SPEN: variants seen among roughly 807,000 people sequenced by gnomAD.
The protein encoded by SPEN is spen family transcriptional repressor.
Under a neutral mutation model 269.9 loss-of-function variants are expected in SPEN, and 18 were observed. That is an observed-to-expected ratio of 0.07 (90% CI 0.05 to 0.10). The LOEUF is 0.10. Ranked by LOEUF, SPEN falls within the 10% of genes least tolerant of loss-of-function variation. SPEN has a pLI of 1.00. For missense variants in SPEN, 3,822 were observed against 4,631.2 expected (o/e 0.83, Z 5.07); for synonymous variants, 1,726 against 1,765.7 (o/e 0.98, Z 0.56).
chr1:15,904,633 A>G (rs2070937968), intron 3 of SPEN, among the ~76,000 whole-genome samples: 1 of 149,420 alleles, frequency 6.7e-6, no homozygotes, highest in South Asian at 2.1e-4. Flanking sequence ...GGATTCACCC[A>G]AAAAGAGTGT....
chr1:15,874,465 C>T (rs1475854868), intron 2 of SPEN: 1 of 1,184,540 alleles, frequency 8.4e-7, no homozygotes, highest in Non-Finnish European at 1.1e-6. Context: ...TTTTTCCCCA[C>T]TAACTCTAGA....
chr1:15,937,517 A>G lies in SPEN; in HGVS notation c.10381A>G (p.Thr3461Ala). The G allele has an allele frequency of 5.0e-6, 8 of 1,613,990 alleles. No homozygotes were observed. The highest frequency in any genetic ancestry group is 6.8e-6 in the Non-Finnish European group (8 of 1,180,012). The change falls in exon 12 of 15, where the codon ACA becomes GCA. Residue 3461 changes from threonine (T) to alanine (A), a missense_variant. Physicochemically the swap from Thr to Ala is moderately conservative, Grantham distance 58 (BLOSUM62 0). This residue lies in a region of SPEN where 359 missense variants were observed against 377.3 expected (regional missense o/e 0.95). Coordinates refer to ENST00000375759, the MANE Select transcript of SPEN (RefSeq NM_015001.3). This position sits in a 1 kb window ranked among gnomAD's most constrained non-coding sequence, Gnocchi z 5.7. ...TAPKQPLFVPTTSGPSTPPGL... is the reference protein window; with the variant it reads ...TAPKQPLFVPATSGPSTPPGL... ...CCCAAAACAGCCGTTGTTTGTCCCA[A>G]CAACCTCTGGCCCCAGCACCCCACC...
At chr1:15,925,867 A>G (rs2071161205) in intron 10 of SPEN, among the ~76,000 whole-genome samples, 1 of 152,190 alleles carries the variant, frequency 6.6e-6, no homozygotes, top group Non-Finnish European at 1.5e-5. Context: ...AAGGTATATA[A>G]TGTGTTCACC....
Position 15,939,402 on chromosome 1 carries a change from T to C in SPEN, c.10970T>C (p.Leu3657Pro). ...LASISNISPHLMIVIASV is the reference protein window; with the variant it reads ...LASISNISPHPMIVIASV The stretch of plus-strand genomic sequence containing the variant: ...AGCATCTCCAACATCTCTCCCCACC[T>C]CATGATTGTCATTGCCTCCGTGTGA... Residue 3657 changes from leucine to proline, a missense_variant, in exon 15 of 15, where the codon CTC (leucine) becomes CCC (proline). Around this residue, in one of 16 missense-constraint regions of SPEN, gnomAD observed 103 missense variants for 215.8 expected, o/e 0.48. Transcript: ENST00000375759. This position sits in a 1 kb window ranked among gnomAD's most constrained non-coding sequence, Gnocchi z 4.1. 6.2e-7 allele frequency: 1 copy of C among 1,602,296 alleles called. No individual in the cohort carries two copies. Among genetic ancestry groups the C allele is most frequent in the Non-Finnish European group, 8.5e-7 (1 of 1,174,414 alleles).
At chr1:15,873,846 T>C in intron 2 of SPEN, 9 of 1,064,924 alleles carry the variant, frequency 8.5e-6, no homozygotes, top group Non-Finnish European at 1.0e-5. Flanking sequence ...CTGGGATATA[T>C]GGGATGTCTT....
Position 15,939,452 on chromosome 1 carries a change from T to C in SPEN, c.*25T>C. 1 of 1,557,258 alleles carries C rather than the reference T, an allele frequency of 6.4e-7. No individual in the cohort carries two copies. Among genetic ancestry groups the C allele is most frequent in the Non-Finnish European group, 8.7e-7 (1 of 1,150,694 alleles). On this transcript the variant is annotated 3_prime_UTR_variant, in exon 15 of 15. Transcript: ENST00000375759. The surrounding 1 kb of genome is among the most constrained non-coding windows in gnomAD (Gnocchi z 4.1). ...AGCCACTGAGTGGTTATCACCTCAG[T>C]GAATCTTCCCAGGGCTCTGCAGTAA... is the stretch of plus-strand genomic sequence containing the variant.
chr1:15,908,126 A>T (rs891100579), intron 3 of SPEN, among the ~76,000 whole-genome samples: 2 of 152,172 alleles, frequency 1.3e-5, no homozygotes, highest in African/African-American at 4.8e-5. Context: ...CTGGAAAATT[A>T]TTTTGGGTAT....
rs2071232673 is a variant in SPEN at position 15,932,553 on chromosome 1, G to A, written c.6313G>A (p.Ala2105Thr). Residue 2105 changes from alanine (A) to threonine (T), a missense_variant, in exon 11 of 15, where the codon GCT (alanine) becomes ACT (threonine). Ala to Thr is a moderately conservative substitution (Grantham distance 58). Coordinates refer to ENST00000375759, the MANE Select transcript of SPEN (RefSeq NM_015001.3). The surrounding 1 kb of genome is among the most constrained non-coding windows in gnomAD (Gnocchi z 4.2). ...GGATGCTGCTGTCAGTCCCAGGGGG[G>A]CTGCAGCACAGGCAGGGGAGAGGGA... ...NVDAAVSPRG[A>T]AAQAGERESG... 4 of 1,599,386 alleles carry A rather than the reference G, an allele frequency of 2.5e-6. No individual in the cohort carries two copies. The highest frequency in any genetic ancestry group is 2.6e-6 in the Non-Finnish European group (3 of 1,171,180).
rs1367186005 is a variant in SPEN at position 15,929,176 on chromosome 1, A to T, written c.2936A>T (p.Glu979Val). ...PADGVSAVDL[E>V]KLEARKRRFA... is the part of the protein sequence containing the mutation. Reference sequence around the variant, plus strand: ...GATGGGGTAAGTGCTGTGGATCTGGAGAAGCTGGAAGCCAGGAAAAGGCGC... The same window carrying T: ...GATGGGGTAAGTGCTGTGGATCTGGTGAAGCTGGAAGCCAGGAAAAGGCGC... Residue 979 changes from glutamate to valine, a missense_variant, in exon 11 of 15, where the codon GAG becomes GTG. Coordinates refer to ENST00000375759, the MANE Select transcript of SPEN (RefSeq NM_015001.3). The surrounding 1 kb of genome is among the most constrained non-coding windows in gnomAD (Gnocchi z 5.8). 1.2e-6 allele frequency: 2 copies of T among 1,614,204 alleles called. No homozygotes were observed. The highest frequency in any genetic ancestry group is 2.2e-5 in the South Asian group (2 of 91,090).
At position 15,929,141 on chromosome 1, in the gene SPEN, G is replaced by C. The variant is rs778565072; in HGVS notation, c.2901G>C (p.Glu967Asp). The C allele has an allele frequency of 7.4e-6, 12 of 1,614,228 alleles. No individual in the cohort carries two copies. Among genetic ancestry groups the C allele is most frequent in the Non-Finnish European group, 1.0e-5 (12 of 1,180,032 alleles). ...AAGCCAGGAAGCACCTCAAGCCTGA[G>C]CAGCCTGCAGATGGGGTAAGTGCTG... ...RLKARKHLKP[E>D]QPADGVSAVD... Residue 967 changes from glutamate to aspartate, a missense_variant, in exon 11 of 15, where the codon GAG (glutamate) becomes GAC (aspartate). Transcript: ENST00000375759. This position sits in a 1 kb window ranked among gnomAD's most constrained non-coding sequence, Gnocchi z 5.8.
Position 15,937,062 on chromosome 1 carries a change from C to T in SPEN, c.10027-101C>T. 1 of 1,497,670 alleles carries T rather than the reference C, an allele frequency of 6.7e-7. No homozygotes were observed. Among genetic ancestry groups the T allele is most frequent in the East Asian group, 2.3e-5 (1 of 43,812 alleles). 92.8% of individuals were successfully genotyped at this position (1,497,670 alleles called of 1,614,324 possible). On this transcript the variant is annotated intron_variant, in intron 11 of 14. Transcript: ENST00000375759. This position sits in a 1 kb window ranked among gnomAD's most constrained non-coding sequence, Gnocchi z 5.7. ...GGGCCTGACTTAACGGGAGATGCCA[C>T]ATCTTATCCTTTCCCTGTGGCCCTT...
intron 4 of SPEN, among the ~76,000 whole-genome samples, chr1:15,910,124 TAAAAAAAA>T (rs57198076): frequency 3.0e-5 from 2 of 65,688 alleles, no homozygotes; most frequent in African/African-American, 1.1e-4. Flanking sequence ...ACTCTGTCTC[TAAAAAAAA>T]AAAAAAAAAA....
At position 15,911,193 on chromosome 1, in the gene SPEN, G is replaced by A; in HGVS notation, c.1135G>A (p.Gly379Ser). 1 of 1,614,104 alleles carries A rather than the reference G, an allele frequency of 6.2e-7. No homozygotes were observed. The highest frequency in any genetic ancestry group is 8.5e-7 in the Non-Finnish European group (1 of 1,180,008). ...ACATGGAACTTCAGAAGAGAGGTAT[G>A]GTCTGGTATTCTTTCGGCAGCAAGA... is the stretch of plus-strand genomic sequence containing the variant. ...QIHGTSEERY[G>S]LVFFRQQEDQ... The change falls in exon 5 of 15, where the codon GGT (glycine) becomes AGT (serine). Residue 379 changes from glycine to serine, a missense_variant. Coordinates refer to ENST00000375759, the MANE Select transcript of SPEN (RefSeq NM_015001.3).
Position 15,935,872 on chromosome 1 carries a change from G to T in SPEN, c.9632G>T (p.Arg3211Met). The T allele has an allele frequency of 6.2e-7, 1 of 1,613,618 alleles. No individual in the cohort carries two copies. Among genetic ancestry groups the T allele is most frequent in the Non-Finnish European group, 8.5e-7 (1 of 1,179,988 alleles). Residue 3211 changes from arginine to methionine, a missense_variant, in exon 11 of 15, where the codon AGG becomes ATG. Around this residue, in one of 16 missense-constraint regions of SPEN, gnomAD observed 359 missense variants for 377.3 expected, o/e 0.95. Transcript: ENST00000375759. This position sits in a 1 kb window ranked among gnomAD's most constrained non-coding sequence, Gnocchi z 7.7. Reference sequence around the variant, plus strand: ...GTGACGGCAGTCAGCGAGCAGCCCAGGGCCGCGGATGGGGTGGTGAAGGTG... The same window carrying T: ...GTGACGGCAGTCAGCGAGCAGCCCATGGCCGCGGATGGGGTGGTGAAGGTG... The part of the protein sequence containing the change: ...PHVTAVSEQP[R>M]AADGVVKVPP...
intron 1 of SPEN, among the ~76,000 whole-genome samples, chr1:15,852,280 C>G (rs1404400381): frequency 6.6e-6 from 1 of 152,030 alleles, no homozygotes; most frequent in African/African-American, 2.4e-5. Context: ...TATGGCCATA[C>G]CACCCATACC....
rs548325712 is a variant in SPEN, at chr1:15,932,256, G to C, written c.6016G>C (p.Val2006Leu). 6.2e-7 allele frequency: 1 copy of C among 1,611,282 alleles called. No homozygotes were observed. The highest frequency in any genetic ancestry group is 1.7e-5 in the Admixed American group (1 of 59,206). ...GAAAAAGGGAAAAAATGAACCGAAG[G>C]TGGATGCTACACGTCCTGAGGCCAC... is the stretch of plus-strand genomic sequence containing the variant. The part of the protein sequence containing the change: ...QGKKGKNEPK[V>L]DATRPEATTE... Residue 2006 changes from valine (V) to leucine (L), a missense_variant, in exon 11 of 15, where the codon GTG (valine) becomes CTG (leucine). Transcript: ENST00000375759. This position sits in a 1 kb window ranked among gnomAD's most constrained non-coding sequence, Gnocchi z 4.2.
chr1:15,871,728 G>A (rs1201101351), intron 1 of SPEN, among the ~76,000 whole-genome samples: 2 of 152,060 alleles, frequency 1.3e-5, no homozygotes, highest in Non-Finnish European at 2.9e-5. Flanking sequence ...AAAAATATTT[G>A]GATTTACTTT....
rs2071290715 is a variant in SPEN, at chr1:15,937,723, C to G, written c.10509+78C>G. On this transcript the variant is annotated intron_variant, in intron 12 of 14. Coordinates refer to ENST00000375759, the MANE Select transcript of SPEN (RefSeq NM_015001.3). The surrounding 1 kb of genome is among the most constrained non-coding windows in gnomAD (Gnocchi z 5.7). ...AAATGTCCTAAGATTCCCTAGTTAACAGACCCACAAGCTACAGCCTCTGGC... is the reference window on the plus strand; with the variant it reads ...AAATGTCCTAAGATTCCCTAGTTAAGAGACCCACAAGCTACAGCCTCTGGC... 2 of 1,606,342 alleles carry G rather than the reference C, an allele frequency of 1.2e-6. No homozygotes were observed. Among genetic ancestry groups the G allele is most frequent in the East Asian group, 2.2e-5 (1 of 44,760 alleles).
intron 1 of SPEN, among the ~76,000 whole-genome samples, chr1:15,863,217 C>T (rs535159220): frequency 1.2e-4 from 19 of 152,190 alleles, no homozygotes; most frequent in Middle Eastern, 3.4e-3. Context: ...CCATTGGACT[C>T]CAGCCTGGGT....
Sources: allele counts gnomAD v4.1 joint callset (sites outside exome capture counted in the v4.1 genomes callset), GRCh38; gene constraint gnomAD v4.1.1; regional missense constraint gnomAD v4.1.1; non-coding constraint Gnocchi (gnomAD v3.1); transcripts MANE v1.5; gene names NCBI Gene and HGNC (gene_info 2026-07-23, HGNC 2026-07-21).